The following PCM1 variants were observed in gnomAD, a reference collection of about 807,000 sequenced individuals.
PCM1 encodes pericentriolar material 1, also known as pericentriolar material 1 protein.
A neutral mutation model predicts 241.9 loss-of-function variants in PCM1; 157 were observed. That is an observed-to-expected ratio of 0.65 (90% CI 0.57 to 0.74). The LOEUF (loss-of-function observed/expected upper bound fraction) is 0.74. PCM1 is among the 30% of genes least tolerant of loss of function. The probability of loss-of-function intolerance (pLI) is 0.00; values close to 1 mark genes in which losing one functional copy is unlikely to be tolerated. For missense variants in PCM1, 3,478 were observed against 2,360.1 expected (o/e 1.47, Z -9.81); for synonymous variants, 1,085 against 784.9 (o/e 1.38, Z -6.39).
At position 17,948,006 on chromosome 8, in the gene PCM1, T is replaced by C. The variant is rs187732970; in HGVS notation, c.961+643T>C. Among the ~76,000 whole-genome samples the C allele has an allele frequency of 1.2e-4, 18 of 152,324 alleles. No individual in the cohort carries two copies. In the East Asian group the frequency reaches 1.5e-3, roughly 13 times the overall value. ...ACGTTTATCATCACCTTCAAACTTATTTTAGTTTCTCGTTAAATTGCAAAA... is the reference window on the plus strand; with the variant it reads ...ACGTTTATCATCACCTTCAAACTTACTTTAGTTTCTCGTTAAATTGCAAAA... On this transcript the variant is annotated intron_variant, in intron 7 of 38. Coordinates refer to ENST00000325083, the MANE Select transcript of PCM1 (RefSeq NM_006197.4).
At chr8:17,967,443 G>C (rs1029265187) in intron 21 of PCM1, among the ~76,000 whole-genome samples, 1 of 151,990 alleles carries the variant, frequency 6.6e-6, no homozygotes, top group Non-Finnish European at 1.5e-5. Flanking sequence ...TAAGTAGCTG[G>C]GATTACAGGC....
At position 18,010,650 on chromosome 8, in the gene PCM1, G is replaced by A. The variant is rs2092351132; in HGVS notation, c.5202G>A (p.Glu1734=). The part of the protein sequence containing the change: ...ILEDHGSPAG[E]IDDEDKDKDE... ...AAGATCATGGCTCACCTGCTGGAGAGATTGATGATGAAGACAAAGTATGTG... is the reference window on the plus strand; with the variant it reads ...AAGATCATGGCTCACCTGCTGGAGAAATTGATGATGAAGACAAAGTATGTG... The change falls in exon 32 of 39, where the codon GAG becomes GAA. Residue 1734 remains glutamate, a synonymous_variant. Transcript: ENST00000325083. 2 of 1,602,216 alleles carry A rather than the reference G, an allele frequency of 1.2e-6. No homozygotes were observed. Among genetic ancestry groups the A allele is most frequent in the Non-Finnish European group, 1.7e-6 (2 of 1,174,458 alleles).
rs748405411 is a variant in PCM1, at chr8:17,966,401, A to G, written c.3149A>G (p.Gln1050Arg). 6.2e-7 allele frequency: 1 copy of G among 1,613,476 alleles called. No individual in the cohort carries two copies. The highest frequency in any genetic ancestry group is 1.1e-5 in the South Asian group (1 of 91,076). ...ATGCCCAGCAATGTTGCATCTCCTCAAGTACACTTCATAATGCACCAGTTG... is the reference window on the plus strand; with the variant it reads ...ATGCCCAGCAATGTTGCATCTCCTCGAGTACACTTCATAATGCACCAGTTG... ...SVMPSNVASP[Q>R]VHFIMHQLNQ... The change falls in exon 20 of 39, where the codon CAA (glutamine) becomes CGA (arginine). Residue 1050 changes from glutamine (Q) to arginine (R), a missense_variant. By Grantham distance (43) the Gln-to-Arg change is conservative (BLOSUM62 1). Coordinates refer to ENST00000325083, the MANE Select transcript of PCM1 (RefSeq NM_006197.4).
At chr8:17,983,293 A>T in intron 24 of PCM1, 1 of 1,321,934 alleles carries the variant, frequency 7.6e-7, no homozygotes, top group Non-Finnish European at 9.9e-7. Flanking sequence ...GCGCCAGGTA[A>T]CAATCTGCGT....
intron 24 of PCM1, among the ~76,000 whole-genome samples, chr8:17,984,307 T>C (rs1196807156): frequency 6.6e-6 from 1 of 151,944 alleles, no homozygotes; most frequent in East Asian, 1.9e-4. Flanking sequence ...CAAAATTCTT[T>C]TTACCTGGAT....
chr8:18,029,373 G>C lies in PCM1; in HGVS notation c.*1711G>C, dbSNP rs1362945914. On this transcript the variant is annotated 3_prime_UTR_variant, in exon 39 of 39. Transcript: ENST00000325083. ...TATCCAGGTGCTCTAACTAACTTCA[G>C]GGAAATTGGAACAATAAGTTATGTT... The C allele has an allele frequency of 1.4e-5, 3 of 214,290 alleles. No homozygotes were observed. The highest frequency in any genetic ancestry group is 4.5e-5 in the African/African-American group (2 of 44,010). 13.3% of individuals were successfully genotyped at this position (214,290 alleles called of 1,614,324 possible).
chr8:18,006,237 T>C (rs2091281507), intron 29 of PCM1, 26 bp from the exon 30 acceptor site: 7 of 1,566,866 alleles, frequency 4.5e-6, no homozygotes, highest in Non-Finnish European at 6.1e-6. Flanking sequence ...TAAGTTTATA[T>C]TCTAACCAAC....
rs2092962104 is a variant in PCM1, at chr8:18,014,796, G to A, written c.5797G>A (p.Ala1933Thr). The change falls in exon 36 of 39, where the codon GCT becomes ACT. Residue 1933 changes from alanine (A) to threonine (T), a missense_variant. Ala to Thr is a moderately conservative substitution (Grantham distance 58). Transcript: ENST00000325083. ...TCAGGAAACTCCTGAAAGCTCTCTG[G>A]CTGGAAGTCCTGATACTGAATCTCC... ...SAQETPESSLAGSPDTESPVL... is the reference protein window; with the variant it reads ...SAQETPESSLTGSPDTESPVL... 1 of 1,605,598 alleles carries A rather than the reference G, an allele frequency of 6.2e-7. No individual in the cohort carries two copies. Among genetic ancestry groups the A allele is most frequent in the Non-Finnish European group, 8.5e-7 (1 of 1,178,534 alleles).
chr8:18,018,850 G>GTATATATATATATA (rs1266240810), intron 36 of PCM1, among the ~76,000 whole-genome samples: 1 of 39,372 alleles, frequency 2.5e-5, no homozygotes, highest in South Asian at 5.8e-4. Flanking sequence ...GTGTGTGTGT[G>GTATATATATATATA]TGTATATATA....
At position 18,028,910 on chromosome 8, in the gene PCM1, G is replaced by T. The variant is rs1213855736; in HGVS notation, c.*1248G>T. The stretch of plus-strand genomic sequence containing the variant: ...CTCACTCCTGTAATCCCAGCACCTT[G>T]GGAGGCCGAGGCGGGCAGATCACGA... On this transcript the variant is annotated 3_prime_UTR_variant, in exon 39 of 39. Coordinates refer to ENST00000325083, the MANE Select transcript of PCM1 (RefSeq NM_006197.4). 5.5e-6 allele frequency: 1 copy of T among 181,474 alleles called. No individual in the cohort carries two copies. The highest frequency in any genetic ancestry group is 1.2e-5 in the Non-Finnish European group (1 of 85,062). The allele number at this position is 181,474 out of a possible 1,614,324, so 11.2% of individuals were successfully genotyped here. A position where few individuals can be genotyped will look rare whatever the true frequency, so the allele number is the denominator to read the frequency against.
At chr8:17,924,207 G>C (rs1367139323) in intron 1 of PCM1, among the ~76,000 whole-genome samples, 1 of 152,096 alleles carries the variant, frequency 6.6e-6, no homozygotes, top group Non-Finnish European at 1.5e-5. Context: ...TCTTTCCCTA[G>C]CACCTTCCTG....
At chr8:17,958,302 T>A (rs901965452) in intron 13 of PCM1, among the ~76,000 whole-genome samples, 3 of 152,156 alleles carry the variant, frequency 2.0e-5, no homozygotes, top group Admixed American at 2.0e-4. Context: ...TAACCTACTG[T>A]ATATAAAAGA....
chr8:18,008,760 T>C (rs2091966841), intron 30 of PCM1, among the ~76,000 whole-genome samples: 1 of 152,188 alleles, frequency 6.6e-6, no homozygotes, highest in Non-Finnish European at 1.5e-5. Context: ...AGGCAGTTAA[T>C]CTGTAACAAA....
Position 17,981,028 on chromosome 8 carries a change from T to C in PCM1, c.4108+273T>C, listed in dbSNP as rs76776542. ...AACTCTTCAAATTCTGAAAATCTTA[T>C]CTGATTAAGAATTAGATATGAAATC... On this transcript the variant is annotated intron_variant, in intron 24 of 38. Transcript: ENST00000325083. Among the ~76,000 whole-genome samples, 233 of 152,334 alleles carry C rather than the reference T, an allele frequency of 1.5e-3. 1 individual carries two copies. The East Asian group carries it at 0.018, about 12-fold the overall frequency.
At chr8:17,967,952 G>T (rs567757299) in intron 21 of PCM1, among the ~76,000 whole-genome samples, 1 of 152,022 alleles carries the variant, frequency 6.6e-6, no homozygotes, top group Non-Finnish European at 1.5e-5. Flanking sequence ...AAGGAATTCA[G>T]GGTCTAGTGA....
intron 2 of PCM1, among the ~76,000 whole-genome samples, chr8:17,930,138 C>T (rs1041924856): frequency 1.5e-5 from 2 of 136,140 alleles, no homozygotes; most frequent in South Asian, 2.3e-4. Flanking sequence ...GAGTCTCGCT[C>T]TTCCGCCCAG....
intron 36 of PCM1, among the ~76,000 whole-genome samples, chr8:18,018,063 G>A (rs2093394051): frequency 6.6e-6 from 1 of 152,178 alleles, no homozygotes; most frequent in African/African-American, 2.4e-5. Context: ...CAGTCCCTTG[G>A]AGGAAAGAAA....
Position 18,014,565 on chromosome 8 carries a change from G to T in PCM1, c.5585-19G>T, listed in dbSNP as rs1224253436. On this transcript the variant is annotated intron_variant, in intron 35 of 38. Transcript: ENST00000325083. ...ATTTTTTGCATTACACTAATGTTAA[G>T]ACTTTCTTTTGATGACAGATGACCA... 5.7e-6 allele frequency: 9 copies of T among 1,582,898 alleles called. No individual in the cohort carries two copies. The East Asian group carries it at 2.0e-4, about 36-fold the overall frequency.
At position 17,937,319 on chromosome 8, in the gene PCM1, C is replaced by A. The variant is rs769535090; in HGVS notation, c.282C>A (p.Val94=). Residue 94 remains valine (V), a synonymous_variant, in exon 4 of 39, where the codon GTC becomes GTA. Transcript: ENST00000325083. ...GTAGATACATGAGTCAGATGTCTGT[C>A]CCAGAGCAGGCAGAATTAGAGAAAC... ...PHSRYMSQMS[V]PEQAELEKLK... is the part of the protein sequence containing the mutation. The A allele has an allele frequency of 6.2e-7, 1 of 1,608,524 alleles. No individual in the cohort carries two copies. Among genetic ancestry groups the A allele is most frequent in the South Asian group, 1.1e-5 (1 of 90,034 alleles).
Sources: allele counts gnomAD v4.1 joint callset (sites outside exome capture counted in the v4.1 genomes callset), GRCh38; gene constraint gnomAD v4.1.1; transcripts MANE v1.5; gene names NCBI Gene and HGNC (gene_info 2026-07-23, HGNC 2026-07-21).